The following SIK3 variants were observed in gnomAD, a reference collection of about 807,000 sequenced individuals.
SIK3 encodes the protein serine/threonine-protein kinase SIK3.
In SIK3, 28 loss-of-function variants were observed where a neutral mutation model predicts 144.2. The observed-to-expected ratio is 0.19, with a 90% confidence interval of 0.14 to 0.27. The LOEUF is 0.27. Among genes scored for constraint, SIK3 ranks in the 10% least tolerant of loss-of-function variants. The probability of loss-of-function intolerance (pLI) is 1.00; values close to 1 mark genes in which losing one functional copy is unlikely to be tolerated. For missense variants in SIK3, 1,319 were observed against 1,776.0 expected (o/e 0.74, Z 4.62); for synonymous variants, 686 against 676.3 (o/e 1.01, Z -0.22).
intron 4 of SIK3, among the ~76,000 whole-genome samples, chr11:116,908,320 T>C (rs1040344305): frequency 5.9e-5 from 9 of 151,866 alleles, no homozygotes; most frequent in African/African-American, 2.2e-4. Context: ...TCACAAAAAC[T>C]AAATATAAAT....
At chr11:117,077,953 G>C (rs1305258879) in intron 1 of SIK3, among the ~76,000 whole-genome samples, 1 of 152,150 alleles carries the variant, frequency 6.6e-6, no homozygotes, top group African/African-American at 2.4e-5. Context: ...GCTTTTTCAG[G>C]AAAGTCTGAA....
intron 3 of SIK3, among the ~76,000 whole-genome samples, chr11:116,942,817 T>C (rs1338581000): frequency 6.6e-6 from 1 of 152,198 alleles, no homozygotes; most frequent in Admixed American, 6.5e-5. Context: ...TATAATCTTA[T>C]AGGCTATAGT....
chr11:116,990,115 T>C (rs529494386), intron 1 of SIK3, among the ~76,000 whole-genome samples: 1 of 152,238 alleles, frequency 6.6e-6, no homozygotes, highest in African/African-American at 2.4e-5. Context: ...AGCGGGGTCG[T>C]CATATAAAGA....
Position 117,098,240 on chromosome 11 carries a change from A to T in SIK3, c.176T>A (p.Met59Lys). 5 of 1,482,790 alleles carry T rather than the reference A, an allele frequency of 3.4e-6. No individual in the cohort carries two copies. The highest frequency in any genetic ancestry group is 4.5e-6 in the Non-Finnish European group (5 of 1,114,598). 91.9% of individuals were successfully genotyped at this position (1,482,790 alleles called of 1,614,324 possible). A position where few individuals can be genotyped will look rare whatever the true frequency, so the allele number is the denominator to read the frequency against. ...RPPAPASRGP[M>K]PARIGYYEID... is the part of the protein sequence containing the mutation. ...CTCGTAGTAGCCGATACGGGCGGGCATGGGTCCGCGGGAGGCCGGGGCTGG... is the reference window on the plus strand; with the variant it reads ...CTCGTAGTAGCCGATACGGGCGGGCTTGGGTCCGCGGGAGGCCGGGGCTGG... Residue 59 changes from methionine (M) to lysine (K), a missense_variant, in exon 1 of 25, where the codon ATG (methionine) becomes AAG (lysine). This residue lies in a region of SIK3 where 114 missense variants were observed against 116.2 expected (regional missense o/e 0.98). Coordinates refer to ENST00000445177, the MANE Select transcript of SIK3 (RefSeq NM_001366686.3).
rs1170138286 is a variant in SIK3 at position 116,965,735 on chromosome 11, AT to A, written c.274-8672del. On this transcript the variant is annotated intron_variant, in intron 1 of 24. Transcript: ENST00000445177. ...ATGGTGAAAACCCGTCTCTGCTAAA[AT>A]ATATATATATATATATATATATATA... 4.5e-3 allele frequency among the ~76,000 whole-genome samples: 9 copies of A among 1,982 alleles called. No individual in the cohort carries two copies. In the South Asian group the frequency reaches 0.11, roughly 25 times the overall value. The allele number at this position is 1,982 out of a possible 152,430, so 1.3% of individuals were successfully genotyped here.
chr11:116,970,227 T>G (rs191153869), intron 1 of SIK3, among the ~76,000 whole-genome samples: 2 of 152,284 alleles, frequency 1.3e-5, no homozygotes, highest in South Asian at 4.1e-4. Context: ...CAGTGAGTTG[T>G]GATCAAGCCA....
At chr11:117,016,599 A>G (rs1403619978) in intron 1 of SIK3, among the ~76,000 whole-genome samples, 1 of 152,194 alleles carries the variant, frequency 6.6e-6, no homozygotes, top group African/African-American at 2.4e-5. Context: ...GGATAATCTG[A>G]CACCAGGAGT....
intron 3 of SIK3, among the ~76,000 whole-genome samples, chr11:116,947,178 A>ATATATAATATATAATATATGAATTATTAT (rs1948663391): frequency 7.2e-6 from 1 of 138,672 alleles, no homozygotes; most frequent in Admixed American, 7.8e-5. Flanking sequence ...ATTATTATTT[A>ATATATAATATATAATATATGAATTATTAT]TATATAATAT....
intron 1 of SIK3, among the ~76,000 whole-genome samples, chr11:117,050,025 T>G (rs1953157574): frequency 6.6e-6 from 1 of 151,638 alleles, no homozygotes; most frequent in Non-Finnish European, 1.5e-5. Context: ...GCACAGTGGC[T>G]CACGCCTGTA....
At chr11:116,978,223 A>C (rs1950021492) in intron 1 of SIK3, among the ~76,000 whole-genome samples, 1 of 152,110 alleles carries the variant, frequency 6.6e-6, no homozygotes, top group Non-Finnish European at 1.5e-5. Context: ...CAAAAAAAAA[A>C]AATTACTATC....
intron 3 of SIK3, among the ~76,000 whole-genome samples, chr11:116,936,811 T>C (rs1469138870): frequency 6.6e-6 from 1 of 152,220 alleles, no homozygotes; most frequent in African/African-American, 2.4e-5. Flanking sequence ...TTCTAATTCA[T>C]AAACATAGTT....
intron 1 of SIK3, among the ~76,000 whole-genome samples, chr11:117,083,343 A>G (rs1029141970): frequency 1.3e-5 from 2 of 152,214 alleles, no homozygotes; most frequent in African/African-American, 2.4e-5. Flanking sequence ...GAAATCCTTT[A>G]AAGAGATCCT....
At position 116,997,404 on chromosome 11, in the gene SIK3, T is replaced by C. The variant is rs1296247983; in HGVS notation, c.274-40340A>G. Among the ~76,000 whole-genome samples, 6 of 152,234 alleles carry C rather than the reference T, an allele frequency of 3.9e-5. 1 individual carries two copies. Among genetic ancestry groups the C allele is most frequent in the Admixed American group, 2.0e-4 (3 of 15,278 alleles). On this transcript the variant is annotated intron_variant, in intron 1 of 24. Transcript: ENST00000445177. The stretch of plus-strand genomic sequence containing the variant: ...GTAGTAATCATTCATTCAACAAATA[T>C]GCAAGGCACTAAATGCATATCTACA...
intron 15 of SIK3, 59 bp from the exon 16 acceptor site, chr11:116,863,877 A>G (rs1432441379): frequency 3.4e-6 from 5 of 1,488,306 alleles, no homozygotes; most frequent in Non-Finnish European, 3.6e-6. Context: ...ACCAAATCAC[A>G]CAGGGACTGC....
intron 1 of SIK3, among the ~76,000 whole-genome samples, chr11:117,013,967 C>CCTTTTTTTTTTTTTTTTTT (rs756680301): frequency 1.4e-4 from 1 of 7,374 alleles, no homozygotes; most frequent in Non-Finnish European, 3.3e-4. Context: ...TTCTTTTTTT[C>CCTTTTTTTTTTTTTTTTTT]TTTTCTTTTT....
chr11:116,981,389 G>A (rs1476702903), intron 1 of SIK3, among the ~76,000 whole-genome samples: 1 of 152,192 alleles, frequency 6.6e-6, no homozygotes. Context: ...ATGCTGATGG[G>A]TTCCAAGAAT....
At chr11:116,930,278 G>GTAA (rs1194932798) in intron 3 of SIK3, among the ~76,000 whole-genome samples, 2 of 152,032 alleles carry the variant, frequency 1.3e-5, no homozygotes, top group African/African-American at 2.4e-5. Flanking sequence ...CCATTGGTTT[G>GTAA]CTTTCACTGT....
intron 4 of SIK3, among the ~76,000 whole-genome samples, chr11:116,908,435 C>T (rs756278068): frequency 1.3e-5 from 2 of 152,056 alleles, no homozygotes; most frequent in Admixed American, 6.5e-5. Context: ...GCTGTGATCA[C>T]GCCACTGCAC....
chr11:116,860,584 G>C (rs577672902), intron 19 of SIK3, among the ~76,000 whole-genome samples: 1 of 152,310 alleles, frequency 6.6e-6, no homozygotes, highest in South Asian at 2.1e-4. Flanking sequence ...TATTTGGTAG[G>C]GCTGGAGGTT....
Sources: allele counts gnomAD v4.1 joint callset (sites outside exome capture counted in the v4.1 genomes callset), GRCh38; gene constraint gnomAD v4.1.1; regional missense constraint gnomAD v4.1.1; transcripts MANE v1.5; gene names NCBI Gene and HGNC (gene_info 2026-07-23, HGNC 2026-07-21).